PCDHGB7: variants seen among roughly 807,000 people sequenced by gnomAD.
PCDHGB7 encodes protocadherin gamma-B7.
A neutral mutation model predicts 61.4 loss-of-function variants in PCDHGB7; 37 were observed. That is an observed-to-expected ratio of 0.60 (90% CI 0.46 to 0.79). The LOEUF (loss-of-function observed/expected upper bound fraction) is 0.79, where lower values mean the gene tolerates loss of function less well. PCDHGB7 is among the 30% of genes least tolerant of loss of function. PCDHGB7 has a pLI of 0.00. For missense variants in PCDHGB7, 1,166 were observed against 1,202.5 expected (o/e 0.97, Z 0.45); for synonymous variants, 464 against 503.5 (o/e 0.92, Z 1.05).
chr5:141,430,594 C>T, intron 1 of PCDHGB7: 3 of 563,604 alleles, frequency 5.3e-6, no homozygotes, highest in Non-Finnish European at 5.7e-6. Flanking sequence ...GCCTTGCACG[C>T]GCCTGAAGCA....
chr5:141,465,429 A>G (rs1191638112), intron 1 of PCDHGB7, among the ~76,000 whole-genome samples: 2 of 152,316 alleles, frequency 1.3e-5, no homozygotes, highest in East Asian at 3.9e-4. Context: ...AAAGGTGGGC[A>G]CTTAATGATT....
Position 141,418,604 on chromosome 5 carries a change from G to A in PCDHGB7, c.745G>A (p.Val249Ile). 2 of 1,614,040 alleles carry A rather than the reference G, an allele frequency of 1.2e-6. No individual in the cohort carries two copies. Among genetic ancestry groups the A allele is most frequent in the Non-Finnish European group, 1.7e-6 (2 of 1,179,896 alleles). Residue 249 changes from valine (V) to isoleucine (I), a missense_variant, in exon 1 of 4, where the codon GTT (valine) becomes ATT (isoleucine). Val to Ile is a conservative substitution (Grantham distance 29, BLOSUM62 3). Coordinates refer to ENST00000398594, the MANE Select transcript of PCDHGB7 (RefSeq NM_018927.4). ...AGTGTTCAGCCAGGACGTGTACAGG[G>A]TTAGCCTTCGGGAAGACGTGCCTCC... ...PPVFSQDVYRVSLREDVPPGT... is the reference protein window; with the variant it reads ...PPVFSQDVYRISLREDVPPGT...
chr5:141,507,554 A>C (rs1384910590), intron 3 of PCDHGB7, among the ~76,000 whole-genome samples: 2 of 152,258 alleles, frequency 1.3e-5, no homozygotes, highest in African/African-American at 4.8e-5. Context: ...TGAAAGTGGC[A>C]GGCGGCTGGG....
At chr5:141,471,504 G>A (rs1487198851) in intron 1 of PCDHGB7, 1 of 152,214 alleles carries the variant, frequency 6.6e-6, no homozygotes, top group Non-Finnish European at 1.5e-5. Flanking sequence ...ATGCAAGAGA[G>A]GGAGTAAAAA....
At position 141,477,806 on chromosome 5, in the gene PCDHGB7, G is replaced by GC; in HGVS notation, c.2416-16995dup. Reference sequence around the variant, plus strand: ...ATTTGTCACTGATCGCAATGACAATGCCCCCCAGGTCCTATATCCTCGGCC... The same window carrying GC: ...ATTTGTCACTGATCGCAATGACAATGCCCCCCCAGGTCCTATATCCTCGGCC... On this transcript the variant is annotated intron_variant, in intron 1 of 3. Transcript: ENST00000398594. This position sits in a 1 kb window ranked among gnomAD's most constrained non-coding sequence, Gnocchi z 4.9. 1 of 1,614,114 alleles carries GC rather than the reference G, an allele frequency of 6.2e-7. No homozygotes were observed.
Position 141,431,423 on chromosome 5 carries a change from C to A in PCDHGB7, c.2415+11149C>A, listed in dbSNP as rs868299769. 20 of 1,613,552 alleles carry A rather than the reference C, an allele frequency of 1.2e-5. No individual in the cohort carries two copies. In the Admixed American group the frequency reaches 2.2e-4, roughly 17 times the overall value. ...GGCCTCCGACGGGGGCGACCCGGTG[C>A]GCACAGGCACCGCGCGCATCCGCGT... On this transcript the variant is annotated intron_variant, in intron 1 of 3. Coordinates refer to ENST00000398594, the MANE Select transcript of PCDHGB7 (RefSeq NM_018927.4). The surrounding 1 kb of genome is among the most constrained non-coding windows in gnomAD (Gnocchi z 4.8).
At chr5:141,448,139 C>A (rs1486636157) in intron 1 of PCDHGB7, among the ~76,000 whole-genome samples, 1 of 151,884 alleles carries the variant, frequency 6.6e-6, no homozygotes, top group African/African-American at 2.4e-5. Context: ...CCTCACTATA[C>A]CTCAGACTCA....
chr5:141,478,246 C>T (rs1305046488), intron 1 of PCDHGB7: 1 of 1,614,100 alleles, frequency 6.2e-7, no homozygotes, highest in Admixed American at 1.7e-5. Context: ...TCACAGTGTT[C>T]GGAGTAATCA....
chr5:141,431,126 G>A lies in PCDHGB7; in HGVS notation c.2415+10852G>A, dbSNP rs2097344901. The A allele has an allele frequency of 2.5e-6, 4 of 1,614,114 alleles. No individual in the cohort carries two copies. Among genetic ancestry groups the A allele is most frequent in the Non-Finnish European group, 3.4e-6 (4 of 1,180,038 alleles). On this transcript the variant is annotated intron_variant, in intron 1 of 3. Coordinates refer to ENST00000398594, the MANE Select transcript of PCDHGB7 (RefSeq NM_018927.4). The surrounding 1 kb of genome is among the most constrained non-coding windows in gnomAD (Gnocchi z 4.8). ...GAAAATATATGGAGTAGAAGTAGAA[G>A]TAAGGGACATTAACGACAATGCGCC... is the stretch of plus-strand genomic sequence containing the variant.
chr5:141,485,986 G>T lies in PCDHGB7; in HGVS notation c.2416-8821G>T, dbSNP rs2099622467. The T allele has an allele frequency of 1.2e-6, 2 of 1,614,084 alleles. No homozygotes were observed. Among genetic ancestry groups the T allele is most frequent in the African/African-American group, 1.3e-5 (1 of 74,936 alleles). On this transcript the variant is annotated intron_variant, in intron 1 of 3. Transcript: ENST00000398594. This position sits in a 1 kb window ranked among gnomAD's most constrained non-coding sequence, Gnocchi z 5.7. ...AGCTCAATGCCTCAGACCCGGACCT[G>T]GGTCCCAGTGGTAACGTCACCTTTT...
In PCDHGB7 at chr5:141,477,875, G is replaced by A. The variant is rs760433987; in HGVS notation, c.2416-16932G>A. Reference sequence around the variant, plus strand: ...GATGCTGCCTCGAGGTACCTCAGCTGGCCACCTAGTGTCACGGGTGGTAGG... The same window carrying A: ...GATGCTGCCTCGAGGTACCTCAGCTAGCCACCTAGTGTCACGGGTGGTAGG... On this transcript the variant is annotated intron_variant, in intron 1 of 3. Coordinates refer to ENST00000398594, the MANE Select transcript of PCDHGB7 (RefSeq NM_018927.4). The surrounding 1 kb of genome is among the most constrained non-coding windows in gnomAD (Gnocchi z 4.9). 1 of 1,614,162 alleles carries A rather than the reference G, an allele frequency of 6.2e-7. No homozygotes were observed. Among genetic ancestry groups the A allele is most frequent in the Non-Finnish European group, 8.5e-7 (1 of 1,180,028 alleles).
Position 141,476,525 on chromosome 5 carries a change from A to T in PCDHGB7, c.2416-18282A>T, listed in dbSNP as rs766638463. On this transcript the variant is annotated intron_variant, in intron 1 of 3. Coordinates refer to ENST00000398594, the MANE Select transcript of PCDHGB7 (RefSeq NM_018927.4). This position sits in a 1 kb window ranked among gnomAD's most constrained non-coding sequence, Gnocchi z 7.6. ...CAACGACAACAATCCTGCTTTCCCTACCCAGGAAATGAAATTGGAGATTAG... is the reference window on the plus strand; with the variant it reads ...CAACGACAACAATCCTGCTTTCCCTTCCCAGGAAATGAAATTGGAGATTAG... The T allele has an allele frequency of 6.2e-7, 1 of 1,614,068 alleles. No homozygotes were observed. The highest frequency in any genetic ancestry group is 2.2e-5 in the East Asian group (1 of 44,854).
At chr5:141,464,978 GT>G in intron 1 of PCDHGB7, among the ~76,000 whole-genome samples, 1 of 152,148 alleles carries the variant, frequency 6.6e-6, no homozygotes, top group East Asian at 1.9e-4. Context: ...CTGGCTTCAA[GT>G]GATCCTCCCA....
At chr5:141,423,990 T>A (rs2096793990) in intron 1 of PCDHGB7, 2 of 1,090,000 alleles carry the variant, frequency 1.8e-6, no homozygotes, top group East Asian at 1.1e-4. Flanking sequence ...GCTCTCAATT[T>A]ATTATATATA....
intron 1 of PCDHGB7, chr5:141,426,340 C>A: frequency 5.3e-6 from 1 of 190,288 alleles, no homozygotes; most frequent in Non-Finnish European, 1.1e-5. Flanking sequence ...AGCACTCTTC[C>A]CTTTCCTGCT....
intron 1 of PCDHGB7, chr5:141,478,344 A>G: frequency 6.2e-7 from 1 of 1,613,882 alleles, no homozygotes; most frequent in Non-Finnish European, 8.5e-7. Context: ...CCCTCCTTGC[A>G]CGCGGACGCC....
intron 2 of PCDHGB7, among the ~76,000 whole-genome samples, chr5:141,498,411 C>T (rs747823234): frequency 2.0e-5 from 3 of 152,158 alleles, no homozygotes; most frequent in Non-Finnish European, 4.4e-5. Context: ...TTTCTCTTTG[C>T]TGGCACTGGA....
At chr5:141,454,993 T>C (rs2098809479) in intron 1 of PCDHGB7, among the ~76,000 whole-genome samples, 1 of 151,290 alleles carries the variant, frequency 6.6e-6, no homozygotes, top group Non-Finnish European at 1.5e-5. Context: ...AAAATATTTT[T>C]AGTAGAGACG....
chr5:141,498,930 C>T (rs2099786911), intron 2 of PCDHGB7, among the ~76,000 whole-genome samples: 1 of 121,364 alleles, frequency 8.2e-6, no homozygotes, highest in Non-Finnish European at 1.6e-5. Flanking sequence ...GAGACTCCAT[C>T]AGGAAAGAAA....
Sources: gnomAD v4.1 joint callset for allele counts (sites outside exome capture counted in the v4.1 genomes callset) on GRCh38, gnomAD v4.1.1 for gene constraint, Gnocchi (gnomAD v3.1) non-coding constraint, MANE v1.5 for transcripts, NCBI Gene and HGNC (gene_info 2026-07-23, HGNC 2026-07-21) for gene names.